CREM: variants seen among roughly 807,000 people sequenced by gnomAD.
CREM encodes the protein cAMP responsive element modulator.
Under a neutral mutation model 37.3 loss-of-function variants are expected in CREM, and 13 were observed. The ratio of observed to expected loss-of-function variants is 0.35; its 90% CI spans 0.23 to 0.55. The LOEUF is 0.55. Ranked by LOEUF, CREM falls within the 20% of genes least tolerant of loss-of-function variation. The probability of loss-of-function intolerance (pLI) is 0.88; values close to 1 mark genes in which losing one functional copy is unlikely to be tolerated. For missense variants in CREM, 296 were observed against 362.3 expected, an observed-to-expected ratio of 0.82 and a Z score of 1.49; for synonymous variants, 124 against 120.2, an observed-to-expected ratio of 1.03 and a Z score of -0.21.
At chr10:35,177,271 G>A (rs144424046) in intron 3 of CREM, among the ~76,000 whole-genome samples, 5 of 152,236 alleles carry the variant, frequency 3.3e-5, no homozygotes, top group Non-Finnish European at 5.9e-5. Context: ...AGAAGTGTAA[G>A]AATAATTCTC....
intron 3 of CREM, among the ~76,000 whole-genome samples, chr10:35,153,746 A>T (rs1266420345): frequency 6.6e-6 from 1 of 152,246 alleles, no homozygotes; most frequent in Non-Finnish European, 1.5e-5. Context: ...GCAAAGATAG[A>T]AGGGAAAGAT....
intron 7 of CREM, among the ~76,000 whole-genome samples, chr10:35,208,014 TTTAG>T (rs1444417756): frequency 6.6e-6 from 1 of 152,238 alleles, no homozygotes; most frequent in Non-Finnish European, 1.5e-5. Context: ...CTATTTTGTA[TTTAG>T]TATTTGCTGT....
chr10:35,198,520 C>T, intron 6 of CREM, among the ~76,000 whole-genome samples: 1 of 145,372 alleles, frequency 6.9e-6, no homozygotes, highest in South Asian at 2.2e-4. Flanking sequence ...GAGACTCCAT[C>T]TCAAAAAAAA....
intron 3 of CREM, among the ~76,000 whole-genome samples, chr10:35,176,611 G>A (rs745699472): frequency 2.0e-5 from 3 of 151,680 alleles, no homozygotes; most frequent in Admixed American, 1.3e-4. Flanking sequence ...GGGTTTCACC[G>A]TGTTAGCCAG....
At chr10:35,198,692 G>A (rs2095292058) in intron 6 of CREM, among the ~76,000 whole-genome samples, 1 of 152,166 alleles carries the variant, frequency 6.6e-6, no homozygotes, top group South Asian at 2.1e-4. Context: ...GCATTCTGAC[G>A]TTGCATTCTG....
At chr10:35,203,044 T>C (rs958791498) in intron 6 of CREM, among the ~76,000 whole-genome samples, 2 of 152,086 alleles carry the variant, frequency 1.3e-5, no homozygotes, top group African/African-American at 4.8e-5. Context: ...TGAACGTCTT[T>C]TTTTGCTTTT....
At chr10:35,194,891 C>A in intron 6 of CREM, among the ~76,000 whole-genome samples, 1 of 147,008 alleles carries the variant, frequency 6.8e-6, no homozygotes, top group African/African-American at 2.6e-5. Flanking sequence ...ACTTTTAATG[C>A]TAAAAGAGAC....
intron 1 of CREM, among the ~76,000 whole-genome samples, chr10:35,137,186 T>C (rs376682104): frequency 6.6e-6 from 1 of 151,698 alleles, no homozygotes; most frequent in Non-Finnish European, 1.5e-5. Flanking sequence ...TTTAAAGATA[T>C]TAGTAAAAAA....
chr10:35,176,076 A>AAGAGACATTTTT, intron 3 of CREM: 2 of 1,488,882 alleles, frequency 1.3e-6, no homozygotes, highest in South Asian at 2.8e-5. Context: ...TTCATTTATC[A>AAGAGACATTTTT]TTTTTCTTTA....
chr10:35,129,111 A>G (rs1022542423), intron 1 of CREM, among the ~76,000 whole-genome samples: 5 of 152,246 alleles, frequency 3.3e-5, no homozygotes, highest in Admixed American at 6.5e-5. Context: ...AAATAGATGA[A>G]TATAACACTT....
chr10:35,168,169 C>T (rs557961216), intron 3 of CREM, among the ~76,000 whole-genome samples: 6 of 152,180 alleles, frequency 3.9e-5, no homozygotes, highest in African/African-American at 7.2e-5. Context: ...CTTGAGGAAT[C>T]GCCACACTGT....
At chr10:35,146,983 A>G (rs1202826575) in intron 2 of CREM, among the ~76,000 whole-genome samples, 1 of 147,552 alleles carries the variant, frequency 6.8e-6, no homozygotes, top group African/African-American at 2.5e-5. Context: ...GAAACATTGT[A>G]TTATTGACAG....
chr10:35,167,834 A>G (rs1417326857), intron 3 of CREM: 2 of 1,576,440 alleles, frequency 1.3e-6, no homozygotes, highest in African/African-American at 1.3e-5. Flanking sequence ...GTACCTTCAC[A>G]CTTTTAAAGC....
At position 35,196,090 on chromosome 10, in the gene CREM, C is replaced by T. The variant is rs771503287; in HGVS notation, c.598+7702C>T. The stretch of plus-strand genomic sequence containing the variant: ...GAACAGAACTCAGGAGTTGTCTGGC[C>T]AGCTTAGTGGTAAGATCGAGCCTCC... On this transcript the variant is annotated intron_variant, in intron 6 of 7. Transcript: ENST00000685392. 5 of 1,614,002 alleles carry T rather than the reference C, an allele frequency of 3.1e-6. No homozygotes were observed. The African/African-American group carries it at 6.7e-5, about 22-fold the overall frequency.
chr10:35,198,157 C>T (rs2095269492), intron 6 of CREM, among the ~76,000 whole-genome samples: 1 of 152,150 alleles, frequency 6.6e-6, no homozygotes, highest in African/African-American at 2.4e-5. Context: ...CAAAATCAGG[C>T]TCCTAGCACT....
At chr10:35,188,098 G>A (rs2094730506) in intron 5 of CREM, 102 bp from the exon 6 acceptor site, 2 of 1,146,392 alleles carry the variant, frequency 1.7e-6, no homozygotes, top group East Asian at 2.6e-5. Flanking sequence ...ACCTGAGAAA[G>A]AAGCAATGGT....
chr10:35,141,176 T>C (rs948208537), intron 2 of CREM, among the ~76,000 whole-genome samples: 1 of 152,208 alleles, frequency 6.6e-6, no homozygotes, highest in Non-Finnish European at 1.5e-5. Flanking sequence ...GAACTGATGA[T>C]AGTGATCTTA....
intron 6 of CREM, among the ~76,000 whole-genome samples, chr10:35,202,487 C>A (rs946993891): frequency 6.6e-6 from 1 of 152,128 alleles, no homozygotes; most frequent in Non-Finnish European, 1.5e-5. Flanking sequence ...AACTCCTGGG[C>A]TCAAGTGATC....
intron 3 of CREM, among the ~76,000 whole-genome samples, chr10:35,149,354 T>C (rs1298189385): frequency 6.6e-6 from 1 of 152,108 alleles, no homozygotes; most frequent in Non-Finnish European, 1.5e-5. Context: ...CTATGGGTAT[T>C]GAGTTTAACT....
Sources: allele counts gnomAD v4.1 joint callset (sites outside exome capture counted in the v4.1 genomes callset), GRCh38; gene constraint gnomAD v4.1.1; transcripts MANE v1.5; gene names NCBI Gene and HGNC (gene_info 2026-07-23, HGNC 2026-07-21).